Variants in LDB2 observed in about 807,000 individuals in gnomAD.
LDB2 encodes the protein LIM domain binding 2.
In LDB2, 12 loss-of-function variants were observed where a neutral mutation model predicts 44.3. The ratio of observed to expected loss-of-function variants is 0.27; its 90% CI spans 0.17 to 0.44. LDB2 has a LOEUF of 0.44. Ranked by LOEUF, LDB2 falls within the 20% of genes least tolerant of loss-of-function variation. The pLI, the probability that LDB2 is intolerant of heterozygous loss-of-function variation, is 1.00. For missense variants in LDB2, 344 were observed against 473.5 expected (o/e 0.73, Z 2.54); for synonymous variants, 164 against 174.8 (o/e 0.94, Z 0.49).
At chr4:16,593,236 C>T (rs758192339) in intron 3 of LDB2, among the ~76,000 whole-genome samples, 12 of 152,222 alleles carry the variant, frequency 7.9e-5, no homozygotes, top group Non-Finnish European at 1.2e-4. Context: ...TAGAACACTG[C>T]GATGCTGCCT....
chr4:16,807,901 C>T (rs1779084777), intron 1 of LDB2, among the ~76,000 whole-genome samples: 1 of 152,252 alleles, frequency 6.6e-6, no homozygotes, highest in Admixed American at 6.5e-5. Context: ...AAGTGTATCT[C>T]TTACCAACGG....
At chr4:16,623,329 G>A (rs555653677) in intron 2 of LDB2, among the ~76,000 whole-genome samples, 1 of 152,316 alleles carries the variant, frequency 6.6e-6, no homozygotes, top group East Asian at 1.9e-4. Flanking sequence ...CGGACGCAGT[G>A]GCTCACGCCT....
intron 2 of LDB2, among the ~76,000 whole-genome samples, chr4:16,625,509 A>G (rs1485088262): frequency 6.6e-6 from 1 of 152,166 alleles, no homozygotes. Context: ...CCACAATACC[A>G]GGGATGGAGT....
chr4:16,506,020 C>T, intron 7 of LDB2: 3 of 1,544,426 alleles, frequency 1.9e-6, no homozygotes, highest in Non-Finnish European at 2.6e-6. Flanking sequence ...AAGGATTAAA[C>T]CCTAGCCCTC....
At chr4:16,557,677 T>C (rs2152367711) in intron 5 of LDB2, among the ~76,000 whole-genome samples, 1 of 152,316 alleles carries the variant, frequency 6.6e-6, no homozygotes, top group East Asian at 1.9e-4. Flanking sequence ...CTCTGCAGAC[T>C]TAAATGTCCC....
chr4:16,869,936 A>T (rs551871799), intron 1 of LDB2, among the ~76,000 whole-genome samples: 1 of 152,242 alleles, frequency 6.6e-6, no homozygotes, highest in Admixed American at 6.5e-5. Flanking sequence ...CTGTTTTCCT[A>T]CTTGCAGTAT....
intron 1 of LDB2, among the ~76,000 whole-genome samples, chr4:16,807,582 A>C (rs1015859533): frequency 6.6e-6 from 1 of 152,218 alleles, no homozygotes; most frequent in African/African-American, 2.4e-5. Flanking sequence ...GAATCACAAA[A>C]GATCATTGGC....
At chr4:16,769,603 A>G (rs1249467453) in intron 1 of LDB2, among the ~76,000 whole-genome samples, 1 of 137,008 alleles carries the variant, frequency 7.3e-6, no homozygotes, top group East Asian at 2.1e-4. Context: ...GCCCTATGGG[A>G]TTTTTTTTTT....
At chr4:16,616,184 A>G (rs1217665242) in intron 2 of LDB2, among the ~76,000 whole-genome samples, 1 of 152,174 alleles carries the variant, frequency 6.6e-6, no homozygotes, top group Admixed American at 6.5e-5. Context: ...TCTTTTTGTT[A>G]CTGGTTATTC....
At chr4:16,822,280 T>C (rs374440666) in intron 1 of LDB2, among the ~76,000 whole-genome samples, 1 of 152,114 alleles carries the variant, frequency 6.6e-6, no homozygotes, top group Non-Finnish European at 1.5e-5. Context: ...TAATAGACCA[T>C]TGGTTAAAGC....
At chr4:16,781,002 G>A (rs1222777119) in intron 1 of LDB2, among the ~76,000 whole-genome samples, 1 of 152,080 alleles carries the variant, frequency 6.6e-6, no homozygotes, top group Admixed American at 6.6e-5. Flanking sequence ...GGGCATCTCT[G>A]GGGTTTAGGG....
At chr4:16,714,731 C>G (rs1444710677) in intron 2 of LDB2, among the ~76,000 whole-genome samples, 1 of 152,104 alleles carries the variant, frequency 6.6e-6, no homozygotes, top group Non-Finnish European at 1.5e-5. Context: ...AGCATCTGTT[C>G]CATACCGTTC....
Position 16,679,423 on chromosome 4 carries a change from AT to A in LDB2, c.235+79734del, listed in dbSNP as rs933463881. Reference sequence around the variant, plus strand: ...TGATGAGTGCTAACGTTTTTCTAGCATTTACTATGGGCCAGGCACTAATCCT... The same window carrying A: ...TGATGAGTGCTAACGTTTTTCTAGCATTACTATGGGCCAGGCACTAATCCT... On this transcript the variant is annotated intron_variant, in intron 2 of 7. Coordinates refer to ENST00000304523, the MANE Select transcript of LDB2 (RefSeq NM_001290.5). 1.7e-4 allele frequency among the ~76,000 whole-genome samples: 26 copies of A among 152,302 alleles called. No individual in the cohort carries two copies. The South Asian group carries it at 4.1e-3, about 24-fold the overall frequency.
intron 2 of LDB2, among the ~76,000 whole-genome samples, chr4:16,706,313 C>G (rs118087260): frequency 2.0e-5 from 3 of 152,088 alleles, no homozygotes; most frequent in Non-Finnish European, 2.9e-5. Context: ...GGAGCCCCCA[C>G]GAATAAGATT....
intron 2 of LDB2, chr4:16,674,437 T>G: frequency 4.7e-6 from 2 of 428,212 alleles, no homozygotes; most frequent in Non-Finnish European, 9.1e-6. Flanking sequence ...GCACCCATCA[T>G]TCATTGAGTG....
intron 2 of LDB2, among the ~76,000 whole-genome samples, chr4:16,601,771 G>T (rs574930704): frequency 6.6e-6 from 1 of 152,172 alleles, no homozygotes; most frequent in Non-Finnish European, 1.5e-5. Flanking sequence ...TAAACACCAA[G>T]AGTCATTAAA....
chr4:16,759,118 C>A (rs778254147), intron 2 of LDB2, 40 bp downstream of exon 2: 8 of 1,436,420 alleles, frequency 5.6e-6, no homozygotes, highest in Admixed American at 3.4e-5. Context: ...CTTACAGGCA[C>A]AAAACGAGGT....
chr4:16,692,420 A>C (rs1751000205), intron 2 of LDB2, among the ~76,000 whole-genome samples: 1 of 152,158 alleles, frequency 6.6e-6, no homozygotes, highest in African/African-American at 2.4e-5. Context: ...TCTAGTCTAA[A>C]ATCTGCCAGC....
At chr4:16,828,669 C>G (rs1262298091) in intron 1 of LDB2, among the ~76,000 whole-genome samples, 1 of 151,906 alleles carries the variant, frequency 6.6e-6, no homozygotes, top group Non-Finnish European at 1.5e-5. Context: ...AAAGAGCAAG[C>G]CTAGAAACTT....
Sources: gnomAD v4.1 joint callset for allele counts (sites outside exome capture counted in the v4.1 genomes callset) on GRCh38, gnomAD v4.1.1 for gene constraint, MANE v1.5 for transcripts, NCBI Gene and HGNC (gene_info 2026-07-23, HGNC 2026-07-21) for gene names.